The following SCARA5 variants were observed in gnomAD, a reference collection of about 807,000 sequenced individuals.
SCARA5 encodes the protein scavenger receptor class A member 5.
SCARA5 carries 45 observed loss-of-function variants against 46.3 expected under a neutral mutation model. The observed-to-expected ratio is 0.97, with a 90% CI of 0.76 to 1.24. The LOEUF (loss-of-function observed/expected upper bound fraction) is 1.24, where lower values mean the gene tolerates loss of function less well. Among genes scored for constraint, SCARA5 ranks in the 50% most tolerant of loss-of-function variants. SCARA5 has a pLI of 0.00. For synonymous variants in SCARA5, 333 were observed against 306.5 expected, an observed-to-expected ratio of 1.09 and a Z score of -0.90; for missense variants, 680 against 689.0, an observed-to-expected ratio of 0.99 and a Z score of 0.15.
At chr8:27,917,554 A>G (rs547729881) in intron 4 of SCARA5, among the ~76,000 whole-genome samples, 1 of 152,226 alleles carries the variant, frequency 6.6e-6, no homozygotes, top group East Asian at 1.9e-4. Flanking sequence ...CCCAACAACC[A>G]GGGTTTCTGG....
chr8:27,915,469 C>A (rs753518797), intron 4 of SCARA5, among the ~76,000 whole-genome samples: 45 of 152,196 alleles, frequency 3.0e-4, no homozygotes, highest in Non-Finnish European at 4.9e-4. Flanking sequence ...CTCAGTAGAA[C>A]AGAAAGGCCA....
rs549907626 is a variant in SCARA5, at chr8:27,957,311, G to A, written c.241+9103C>T. On this transcript the variant is annotated intron_variant, in intron 3 of 8. Transcript: ENST00000354914. Reference sequence around the variant, plus strand: ...AAGCTGAATTACTGTGCAGTCTGTGGCACTTACACCCGGTTATAAATCACT... The same window carrying A: ...AAGCTGAATTACTGTGCAGTCTGTGACACTTACACCCGGTTATAAATCACT... Among the ~76,000 whole-genome samples the A allele has an allele frequency of 4.6e-5, 7 of 152,276 alleles. No homozygotes were observed. The South Asian group carries it at 1.5e-3, about 32-fold the overall frequency.
intron 3 of SCARA5, among the ~76,000 whole-genome samples, chr8:27,965,156 C>T (rs903008096): frequency 3.3e-5 from 5 of 152,206 alleles, no homozygotes; most frequent in African/African-American, 1.2e-4. Flanking sequence ...AATGTCTTTG[C>T]CCTGAGTGTG....
intron 3 of SCARA5, among the ~76,000 whole-genome samples, chr8:27,930,481 C>A (rs1267991802): frequency 6.6e-6 from 1 of 151,950 alleles, no homozygotes; most frequent in African/African-American, 2.4e-5. Flanking sequence ...CGGCTCACAG[C>A]AACCTCCGCC....
At chr8:27,925,658 G>A (rs908127789) in intron 3 of SCARA5, among the ~76,000 whole-genome samples, 2 of 152,064 alleles carry the variant, frequency 1.3e-5, no homozygotes, top group African/African-American at 4.8e-5. Flanking sequence ...GGGTGAGCAC[G>A]CAACCTACAG....
chr8:27,947,800 G>A lies in SCARA5; in HGVS notation c.241+18614C>T, dbSNP rs192889668. Among the ~76,000 whole-genome samples, 8 of 152,054 alleles carry A rather than the reference G, an allele frequency of 5.3e-5. No homozygotes were observed. The South Asian group carries it at 8.3e-4, about 16-fold the overall frequency. ...TGAGGCAGGAGAATTGCTTGAACCC[G>A]GGAGGCAGAGGTTGCAGTGAGCTGA... On this transcript the variant is annotated intron_variant, in intron 3 of 8. Coordinates refer to ENST00000354914, the MANE Select transcript of SCARA5 (RefSeq NM_173833.6).
intron 8 of SCARA5, 126 bp from the exon 9 acceptor site, chr8:27,872,196 G>T: frequency 1.1e-6 from 1 of 887,616 alleles, no homozygotes; most frequent in Non-Finnish European, 1.8e-6. Flanking sequence ...GCTTCCAGCT[G>T]CCCTCTCCAC....
intron 7 of SCARA5, among the ~76,000 whole-genome samples, chr8:27,891,002 C>A (rs1806971779): frequency 6.6e-6 from 1 of 152,092 alleles, no homozygotes. Flanking sequence ...CCAGTCCAGG[C>A]AAGCTACAAG....
intron 7 of SCARA5, among the ~76,000 whole-genome samples, chr8:27,899,190 G>A (rs774892329): frequency 1.4e-4 from 21 of 152,194 alleles, no homozygotes; most frequent in Non-Finnish European, 2.2e-4. Context: ...GCAGCCTGTG[G>A]GACTGAGCCC....
chr8:27,921,203 G>A (rs777964379), intron 4 of SCARA5, among the ~76,000 whole-genome samples: 2 of 152,190 alleles, frequency 1.3e-5, no homozygotes, highest in Non-Finnish European at 2.9e-5. Context: ...TGAGCCAGTT[G>A]TTCTGCCCCC....
At chr8:27,901,686 C>T (rs552038225) in intron 7 of SCARA5, among the ~76,000 whole-genome samples, 51 of 152,260 alleles carry the variant, frequency 3.3e-4, no homozygotes, top group South Asian at 1.7e-3. Flanking sequence ...GAAGACACCC[C>T]GCAATGGGAC....
chr8:27,966,438 G>A lies in SCARA5; in HGVS notation c.217C>T (p.Leu73Phe), dbSNP rs1808369041. 6.2e-7 allele frequency: 1 copy of A among 1,612,598 alleles called. No homozygotes were observed. The highest frequency in any genetic ancestry group is 1.1e-5 in the South Asian group (1 of 90,770). The change falls in exon 3 of 9, where the codon CTT becomes TTT. Residue 73 changes from leucine (L) to phenylalanine (F), a missense_variant. Transcript: ENST00000354914. The part of the protein sequence containing the change: ...LGLYLLVFLI[L>F]VGIFILAVSR... ...CCTGCTAAGATGAAGATGCCCACAA[G>A]AATCAGGAAGACCAGCAGGTAGAGC...
intron 1 of SCARA5, 29 bp from the exon 2 acceptor site, chr8:27,987,659 G>T: frequency 7.6e-7 from 1 of 1,309,208 alleles, no homozygotes; most frequent in Non-Finnish European, 1.1e-6. Flanking sequence ...GGGAGGAGAG[G>T]GAGGACGAAG....
chr8:27,952,134 C>T (rs904771269), intron 3 of SCARA5, among the ~76,000 whole-genome samples: 26 of 151,400 alleles, frequency 1.7e-4, no homozygotes, highest in Non-Finnish European at 3.4e-4. Context: ...GGTTGGGTGT[C>T]GATGGGAGCG....
intron 7 of SCARA5, among the ~76,000 whole-genome samples, chr8:27,901,001 T>G (rs1320849872): frequency 6.6e-6 from 1 of 151,934 alleles, no homozygotes; most frequent in African/African-American, 2.4e-5. Flanking sequence ...TGAAAACTGG[T>G]GGGGTGGGGT....
intron 1 of SCARA5, 40 bp from the exon 2 acceptor site, chr8:27,987,670 G>A: frequency 1.7e-6 from 2 of 1,203,638 alleles, no homozygotes; most frequent in East Asian, 4.7e-5. Context: ...GAGGACGAAG[G>A]CCGGGAGAGA....
At chr8:27,924,830 C>A (rs1471175017) in intron 3 of SCARA5, among the ~76,000 whole-genome samples, 2 of 152,152 alleles carry the variant, frequency 1.3e-5, no homozygotes, top group East Asian at 3.9e-4. Flanking sequence ...ACAAGCATTC[C>A]TATACACCAA....
At chr8:27,942,341 T>C (rs1310097948) in intron 3 of SCARA5, among the ~76,000 whole-genome samples, 1 of 152,088 alleles carries the variant, frequency 6.6e-6, no homozygotes, top group Non-Finnish European at 1.5e-5. Flanking sequence ...CCACTACTGC[T>C]CTCCCTAGAA....
At position 27,879,607 on chromosome 8, in the gene SCARA5, C is replaced by T. The variant is rs1806778198; in HGVS notation, c.1313G>A (p.Gly438Asp). ...AGCTGTGCGGTACACCTCCTCCACA[C>T]CGCGGAAGCCGAGCATGCGGCACAC... Reference protein sequence around the residue: ...DVVCRMLGFRGVEEVYRTARF... With the variant: ...DVVCRMLGFRDVEEVYRTARF... The change falls in exon 8 of 9, where the codon GGT (glycine) becomes GAT (aspartate). Residue 438 changes from glycine (G) to aspartate (D), a missense_variant. Gly to Asp is a moderately conservative substitution (Grantham distance 94). Coordinates refer to ENST00000354914, the MANE Select transcript of SCARA5 (RefSeq NM_173833.6). The T allele has an allele frequency of 1.2e-6, 2 of 1,610,740 alleles. No individual in the cohort carries two copies. Among genetic ancestry groups the T allele is most frequent in the Non-Finnish European group, 1.7e-6 (2 of 1,180,026 alleles).
Sources: gnomAD v4.1 joint callset for allele counts (sites outside exome capture counted in the v4.1 genomes callset) on GRCh38, gnomAD v4.1.1 for gene constraint, MANE v1.5 for transcripts, NCBI Gene and HGNC (gene_info 2026-07-23, HGNC 2026-07-21) for gene names.